TRERF1: variants seen among roughly 807,000 people sequenced by gnomAD.
The protein encoded by TRERF1 is transcriptional regulating factor 1, also known as transcriptional-regulating factor 1.
TRERF1 carries 27 observed loss-of-function variants against 122.9 expected under a neutral mutation model. That is an observed-to-expected ratio of 0.22 (90% CI 0.16 to 0.30). TRERF1 has a LOEUF of 0.30. Among genes scored for constraint, TRERF1 ranks in the 10% least tolerant of loss-of-function variants. The pLI is 1.00. For synonymous variants in TRERF1, 636 were observed against 641.7 expected (o/e 0.99, Z 0.13); for missense variants, 1,248 against 1,560.3 (o/e 0.80, Z 3.37).
intron 3 of TRERF1, among the ~76,000 whole-genome samples, chr6:42,355,589 C>T (rs769557498): frequency 3.9e-5 from 6 of 152,146 alleles, no homozygotes; most frequent in Non-Finnish European, 8.8e-5. Flanking sequence ...CTCAATCCCG[C>T]AACAGTTTAT....
At chr6:42,381,904 G>A (rs1219409890) in intron 2 of TRERF1, among the ~76,000 whole-genome samples, 1 of 149,116 alleles carries the variant, frequency 6.7e-6, no homozygotes, top group Non-Finnish European at 1.5e-5. Flanking sequence ...TGAAGAGGAG[G>A]GGCAAGAAGG....
At chr6:42,291,829 G>C (rs1373626825) in intron 4 of TRERF1, among the ~76,000 whole-genome samples, 1 of 152,040 alleles carries the variant, frequency 6.6e-6, no homozygotes, top group African/African-American at 2.4e-5. Flanking sequence ...ACAGGCATAA[G>C]ACACTGCGCC....
intron 2 of TRERF1, among the ~76,000 whole-genome samples, chr6:42,378,401 C>T (rs1359449530): frequency 6.7e-6 from 1 of 148,666 alleles, no homozygotes; most frequent in African/African-American, 2.5e-5. Flanking sequence ...AAAAAAAAAA[C>T]CCACATTTAC....
intron 3 of TRERF1, among the ~76,000 whole-genome samples, chr6:42,341,719 C>T (rs1370501406): frequency 6.6e-6 from 1 of 152,190 alleles, no homozygotes; most frequent in Non-Finnish European, 1.5e-5. Context: ...CCTTTACTTG[C>T]CAGTTGTTTC....
intron 14 of TRERF1, among the ~76,000 whole-genome samples, chr6:42,244,817 T>C (rs951589622): frequency 6.6e-5 from 10 of 152,256 alleles, no homozygotes; most frequent in Non-Finnish European, 1.2e-4. Context: ...CTTGCCCTAT[T>C]CAACCCCAAA....
At chr6:42,299,804 G>A (rs1042679643) in intron 4 of TRERF1, among the ~76,000 whole-genome samples, 1 of 152,208 alleles carries the variant, frequency 6.6e-6, no homozygotes, top group African/African-American at 2.4e-5. Context: ...CAGAGACCCT[G>A]TCTTTCTTCT....
Position 42,273,314 on chromosome 6 carries a change from A to G in TRERF1, c.-258-3466T>C, listed in dbSNP as rs114809304. Among the ~76,000 whole-genome samples, 146 of 152,246 alleles carry G rather than the reference A, an allele frequency of 9.6e-4. 1 individual carries two copies. Among genetic ancestry groups the G allele is most frequent in the African/African-American group, 3.4e-3 (143 of 41,542 alleles). On this transcript the variant is annotated intron_variant, in intron 4 of 17. Coordinates refer to ENST00000372922, the Ensembl canonical transcript of TRERF1. ...TAGGAGTCTCTTCCTCAAACCAACC[A>G]TAATGCCCAGCACACTGTAGGACTC...
chr6:42,325,674 G>C (rs1328849454), intron 3 of TRERF1, among the ~76,000 whole-genome samples: 1 of 152,188 alleles, frequency 6.6e-6, no homozygotes, highest in Non-Finnish European at 1.5e-5. Flanking sequence ...AGGAAATCAA[G>C]ACTAGGCTGG....
At chr6:42,410,566 C>A (rs777604728) in intron 2 of TRERF1, among the ~76,000 whole-genome samples, 4 of 152,180 alleles carry the variant, frequency 2.6e-5, no homozygotes, top group Non-Finnish European at 5.9e-5. Context: ...CTCTGTGAAG[C>A]CTTCCCAAAC....
At position 42,259,839 on chromosome 6, in the gene TRERF1, C is replaced by G. The variant is rs986686264; in HGVS notation, c.1885-116G>C. ...AAGCAGAGAGCCCTTCTGCTTGACC[C>G]CCCCACCCCCAACGCCCCCACATTC... On this transcript the variant is annotated intron_variant, in intron 8 of 17. Coordinates refer to ENST00000372922, the Ensembl canonical transcript of TRERF1. The surrounding 1 kb of genome is among the most constrained non-coding windows in gnomAD (Gnocchi z 4.9). The G allele has an allele frequency of 2.1e-6, 3 of 1,419,866 alleles. No homozygotes were observed. Among genetic ancestry groups the G allele is most frequent in the Non-Finnish European group, 2.8e-6 (3 of 1,058,360 alleles). The allele number at this position is 1,419,866 out of a possible 1,614,324, so 88.0% of individuals were successfully genotyped here.
At chr6:42,281,644 T>C (rs1005349864) in intron 4 of TRERF1, among the ~76,000 whole-genome samples, 2 of 152,132 alleles carry the variant, frequency 1.3e-5, no homozygotes, top group Non-Finnish European at 2.9e-5. Context: ...CAGAATTACA[T>C]CCAGGATGCC....
At chr6:42,252,388 T>C (rs1031314054) in intron 13 of TRERF1, among the ~76,000 whole-genome samples, 2 of 152,202 alleles carry the variant, frequency 1.3e-5, no homozygotes, top group Non-Finnish European at 1.5e-5. Flanking sequence ...CGCCCTGACA[T>C]GGACAGGCTC....
intron 2 of TRERF1, among the ~76,000 whole-genome samples, chr6:42,437,522 T>C (rs551521501): frequency 1.3e-5 from 2 of 152,274 alleles, no homozygotes; most frequent in Admixed American, 6.5e-5. Context: ...TGAGAGGACA[T>C]GGAAAATGAG....
At chr6:42,283,461 T>G (rs1332613625) in intron 4 of TRERF1, among the ~76,000 whole-genome samples, 1 of 152,182 alleles carries the variant, frequency 6.6e-6, no homozygotes, top group East Asian at 1.9e-4. Flanking sequence ...AATAGTTGTC[T>G]GCAGGGAGGT....
At chr6:42,229,384 C>T (rs765399289) in intron 17 of TRERF1, among the ~76,000 whole-genome samples, 1 of 152,192 alleles carries the variant, frequency 6.6e-6, no homozygotes, top group Non-Finnish European at 1.5e-5. Context: ...GTGATCCTCC[C>T]ACCTTGGCCT....
intron 6 of TRERF1, among the ~76,000 whole-genome samples, chr6:42,265,244 GCAC>G (rs1778945859): frequency 1.3e-5 from 2 of 152,210 alleles, no homozygotes; most frequent in African/African-American, 2.4e-5. Flanking sequence ...CCGCCGTACT[GCAC>G]GCTTCAGCAG....
intron 3 of TRERF1, among the ~76,000 whole-genome samples, chr6:42,358,455 T>G (rs186567072): frequency 1.3e-5 from 2 of 152,314 alleles, no homozygotes; most frequent in Non-Finnish European, 2.9e-5. Context: ...AGGGTGTATT[T>G]CCCTACAGTT....
chr6:42,233,062 A>AC (rs1770934385), intron 16 of TRERF1, 134 bp from the exon 17 acceptor site: 1 of 909,942 alleles, frequency 1.1e-6, no homozygotes, highest in African/African-American at 1.7e-5. Flanking sequence ...ATCAAATACC[A>AC]CAACCACAGA....
rs1782724715 is a variant in TRERF1, at chr6:42,283,780, C to A, written c.-258-13932G>T. The stretch of plus-strand genomic sequence containing the variant: ...TACAGGCATGCGCCACCGTGCCTGG[C>A]TAATTTTGTATTTTTAGTAGAGACG... On this transcript the variant is annotated intron_variant, in intron 4 of 17. Coordinates refer to ENST00000372922, the Ensembl canonical transcript of TRERF1. Among the ~76,000 whole-genome samples the A allele has an allele frequency of 3.3e-5, 5 of 151,898 alleles. No individual in the cohort carries two copies. The South Asian group carries it at 1.0e-3, about 32-fold the overall frequency.
Sources: allele counts gnomAD v4.1 joint callset (sites outside exome capture counted in the v4.1 genomes callset), GRCh38; gene constraint gnomAD v4.1.1; non-coding constraint Gnocchi (gnomAD v3.1); transcripts MANE v1.5; gene names NCBI Gene and HGNC (gene_info 2026-07-23, HGNC 2026-07-21).